TMEM200C: variants seen among roughly 807,000 people sequenced by gnomAD.
The protein encoded by TMEM200C is transmembrane protein 200C.
For synonymous variants in TMEM200C, 462 were observed against 324.7 expected, an observed-to-expected ratio of 1.42 and a Z score of -4.55; for missense variants, 966 against 699.9, an observed-to-expected ratio of 1.38 and a Z score of -4.29.
At chr18:5,883,400 A>G (rs2095163132) in exon 3 of TMEM200C, 1 of 152,124 alleles carries the variant, frequency 6.6e-6, no homozygotes, top group East Asian at 1.9e-4. Context: ...ATTAAGCTGC[A>G]TCTATACTTT....
exon 3 of TMEM200C, chr18:5,882,326 G>A (rs1185551065): frequency 6.6e-6 from 1 of 151,588 alleles, no homozygotes; most frequent in Non-Finnish European, 1.5e-5. Context: ...CAATTTATTT[G>A]CCAAGTGTTG....
At chr18:5,886,759 A>G (rs2095165655) in exon 3 of TMEM200C, 1 of 152,136 alleles carries the variant, frequency 6.6e-6, no homozygotes, top group African/African-American at 2.4e-5. Context: ...TCCATTTACT[A>G]GATGTGAAGA....
At chr18:5,882,484 T>C (rs986436712) in exon 3 of TMEM200C, 4 of 152,174 alleles carry the variant, frequency 2.6e-5, no homozygotes, top group African/African-American at 9.6e-5. Flanking sequence ...ATATCCTACA[T>C]GAATCAAAGA....
chr18:5,890,784 C>T (rs1027304818), exon 3 of TMEM200C: 2 of 649,276 alleles, frequency 3.1e-6, no homozygotes, highest in Non-Finnish European at 2.8e-6. Context: ...GCCCTCTGCG[C>T]CGCGGAGGTT....
exon 3 of TMEM200C, chr18:5,886,480 T>A (rs1430809137): frequency 6.6e-6 from 1 of 152,188 alleles, no homozygotes; most frequent in African/African-American, 2.4e-5. Context: ...TGCAGCAGCA[T>A]AAGCCCTCAT....
Position 5,891,257 on chromosome 18 carries a change from G to T in TMEM200C, c.807C>A (p.Ser269=). Reference sequence around the variant, plus strand: ...TCGCCGCCGCTCCGAAGGCGTCCCCGGAGCCACCGCAGCCCCCGGGCTTCA... The same window carrying T: ...TCGCCGCCGCTCCGAAGGCGTCCCCTGAGCCACCGCAGCCCCCGGGCTTCA... Residue 269 remains serine (S), a synonymous_variant, in exon 3 of 3, where the codon TCC becomes TCA. Transcript: ENST00000581347. The surrounding 1 kb of genome is among the most constrained non-coding windows in gnomAD (Gnocchi z 4.7). 1 of 1,392,444 alleles carries T rather than the reference G, an allele frequency of 7.2e-7. No homozygotes were observed. The highest frequency in any genetic ancestry group is 9.4e-7 in the Non-Finnish European group (1 of 1,069,108). 86.3% of individuals were successfully genotyped at this position (1,392,444 alleles called of 1,614,324 possible).
exon 3 of TMEM200C, chr18:5,883,110 T>C (rs2095162929): frequency 6.6e-6 from 1 of 152,124 alleles, no homozygotes; most frequent in South Asian, 2.1e-4. Flanking sequence ...CAATAAACCA[T>C]AACTGATGAT....
At chr18:5,886,990 T>G (rs1053251732) in exon 3 of TMEM200C, 3 of 152,200 alleles carry the variant, frequency 2.0e-5, no homozygotes, top group African/African-American at 7.2e-5. Flanking sequence ...ACACAAATAT[T>G]AGTTCATTTA....
In TMEM200C at chr18:5,891,940, C is replaced by T; in HGVS notation, c.124G>A (p.Val42Met). 7 of 1,613,890 alleles carry T rather than the reference C, an allele frequency of 4.3e-6. No individual in the cohort carries two copies. The highest frequency in any genetic ancestry group is 5.1e-6 in the Non-Finnish European group (6 of 1,179,856). Residue 42 changes from valine to methionine, a missense_variant, in exon 3 of 3, where the codon GTG becomes ATG. Physicochemically the swap from Val to Met is conservative, Grantham distance 21 (BLOSUM62 1). Coordinates refer to ENST00000581347, the Ensembl canonical transcript of TMEM200C. This position sits in a 1 kb window ranked among gnomAD's most constrained non-coding sequence, Gnocchi z 4.7. ...GAGCACAGCTTCAGCTTGCCTTTCA[C>T]CACCACCACGTCGTTCTTGCGCCTC...
Position 5,891,835 on chromosome 18 carries a change from T to G in TMEM200C, c.229A>C (p.Lys77Gln). The G allele has an allele frequency of 6.2e-7, 1 of 1,606,532 alleles. No individual in the cohort carries two copies. Among genetic ancestry groups the G allele is most frequent in the Non-Finnish European group, 8.5e-7 (1 of 1,178,224 alleles). Residue 77 changes from lysine (K) to glutamine (Q), a missense_variant, in exon 3 of 3, where the codon AAG (lysine) becomes CAG (glutamine). Transcript: ENST00000581347. This position sits in a 1 kb window ranked among gnomAD's most constrained non-coding sequence, Gnocchi z 4.7. ...CCCTCCCGATTGGTCCCGGTGGCCT[T>G]GGGCCAGTAGCCCACCACCGCCATG...
rs1357175700 is a variant in TMEM200C at position 5,895,279 on chromosome 18, TCCCGC to T, written c.-349_-345del. 6.6e-6 allele frequency: 1 copy of T among 150,844 alleles called. No individual in the cohort carries two copies. The highest frequency in any genetic ancestry group is 2.4e-5 in the African/African-American group (1 of 41,096). 9.3% of individuals were successfully genotyped at this position (150,844 alleles called of 1,614,324 possible). On this transcript the variant is annotated 5_prime_UTR_variant, in exon 2 of 3. An upstream start codon of the reference 5' UTR is lost. Transcript: ENST00000581347. ...AGTGTCAGGTCCTCCGCATCCCGCA[TCCCGC>T]ATCCCGCCTCGGAGCCCTCCTCTCC...
At chr18:5,892,029 G>T in exon 3 of TMEM200C, 2 of 1,613,812 alleles carry the variant, frequency 1.2e-6, no homozygotes, top group Non-Finnish European at 1.7e-6. Context: ...CTGCTTTCTG[G>T]CGGAAATCCT....
exon 3 of TMEM200C, chr18:5,888,520 A>G (rs1464622142): frequency 2.0e-5 from 3 of 152,230 alleles, no homozygotes; most frequent in East Asian, 1.9e-4. Flanking sequence ...GCTGAAGATC[A>G]TAGAGATTAT....
Position 5,891,981 on chromosome 18 carries a change from T to G in TMEM200C, c.83A>C (p.Lys28Thr), listed in dbSNP as rs572918700. 6.2e-7 allele frequency: 1 copy of G among 1,613,968 alleles called. No individual in the cohort carries two copies. The highest frequency in any genetic ancestry group is 1.3e-5 in the African/African-American group (1 of 75,062). ...CTTGCGCCTCTTCTTGGCTTTCCGC[T>G]TGCGCTTGGGTATCTGGCTTGGGGG... is the stretch of plus-strand genomic sequence containing the variant. The change falls in exon 3 of 3, where the codon AAG becomes ACG. Residue 28 changes from lysine to threonine, a missense_variant. By Grantham distance (78) the Lys-to-Thr change is moderately conservative. Transcript: ENST00000581347. The surrounding 1 kb of genome is among the most constrained non-coding windows in gnomAD (Gnocchi z 4.7).
chr18:5,890,237 G>T (rs771720512), exon 3 of TMEM200C: 87 of 1,578,470 alleles, frequency 5.5e-5, no homozygotes, highest in Non-Finnish European at 7.2e-5. Flanking sequence ...CTACCCCTAT[G>T]GCATGAGACC....
upstream of TMEM200C, chr18:5,896,029 C>T (rs1462526698): frequency 6.6e-6 from 1 of 152,398 alleles, no homozygotes; most frequent in African/African-American, 2.4e-5. Flanking sequence ...ACGGCGCAGC[C>T]TGGGCTCTCT....
intron 2 of TMEM200C, among the ~76,000 whole-genome samples, chr18:5,894,471 G>T (rs2095174044): frequency 1.3e-5 from 2 of 152,296 alleles, no homozygotes; most frequent in African/African-American, 4.8e-5. Context: ...AACAAACTTA[G>T]CAGTCAAGCT....
chr18:5,890,497 C>T (rs113707103), exon 3 of TMEM200C: 5 of 1,542,918 alleles, frequency 3.2e-6, no homozygotes, highest in Non-Finnish European at 4.4e-6. Context: ...TGGGAGCTCC[C>T]GGAGTCCCGC....
exon 3 of TMEM200C, chr18:5,890,104 C>T: frequency 8.6e-7 from 1 of 1,158,450 alleles, no homozygotes; most frequent in Non-Finnish European, 1.2e-6. Flanking sequence ...GTCCTCGGAT[C>T]AGTCCACAAA....
Sources: gnomAD v4.1 joint callset for allele counts (sites outside exome capture counted in the v4.1 genomes callset) on GRCh38, gnomAD v4.1.1 for gene constraint, Gnocchi (gnomAD v3.1) non-coding constraint, MANE v1.5 for transcripts, NCBI Gene and HGNC (gene_info 2026-07-23, HGNC 2026-07-21) for gene names.